Variants in MAD2L2 observed in about 807,000 individuals in gnomAD.
The protein encoded by MAD2L2 is mitotic spindle assembly checkpoint protein MAD2B.
MAD2L2 carries 17 observed loss-of-function variants against 30.5 expected under a neutral mutation model. The ratio of observed to expected loss-of-function variants is 0.56; its 90% CI spans 0.38 to 0.84. MAD2L2 has a LOEUF of 0.84. MAD2L2 is among the 40% of genes least tolerant of loss of function. The pLI, the probability that MAD2L2 is intolerant of heterozygous loss-of-function variation, is 0.00. For synonymous variants in MAD2L2, 101 were observed against 113.9 expected, an observed-to-expected ratio of 0.89 and a Z score of 0.72; for missense variants, 213 against 277.4, an observed-to-expected ratio of 0.77 and a Z score of 1.65.
upstream of MAD2L2, among the ~76,000 whole-genome samples, chr1:11,682,652 T>G (rs1640897137): frequency 6.6e-6 from 1 of 152,044 alleles, no homozygotes; most frequent in Non-Finnish European, 1.5e-5. Flanking sequence ...CGAGGTGGGG[T>G]GCACAGCAGG....
chr1:11,677,945 T>C (rs1640799399), intron 3 of MAD2L2, among the ~76,000 whole-genome samples: 1 of 150,800 alleles, frequency 6.6e-6, no homozygotes. Flanking sequence ...TAGTCCCAGC[T>C]ACTTGGCAGG....
At chr1:11,691,060 T>C (rs936873174) in intron 1 of MAD2L2, among the ~76,000 whole-genome samples, 2 of 152,172 alleles carry the variant, frequency 1.3e-5, no homozygotes, top group African/African-American at 4.8e-5. Flanking sequence ...AGACCCTTTG[T>C]ACCCCTACAT....
At chr1:11,683,509 G>A (rs1177252466), upstream of MAD2L2, among the ~76,000 whole-genome samples, 1 of 151,912 alleles carries the variant, frequency 6.6e-6, no homozygotes, top group African/African-American at 2.4e-5. Flanking sequence ...GGACTTTGGG[G>A]ACTCGGGGGG....
intron 6 of MAD2L2, 112 bp from the exon 7 acceptor site, chr1:11,675,843 C>A (rs756697500): frequency 1.0e-6 from 1 of 995,022 alleles, no homozygotes; most frequent in South Asian, 1.3e-5. Context: ...GAGCAGATGG[C>A]AAAGCAAGTG....
In MAD2L2 at chr1:11,677,552, G is replaced by C. The variant is rs1193203913; in HGVS notation, c.222C>G (p.Leu74=). The C allele has an allele frequency of 6.2e-7, 1 of 1,613,924 alleles. No homozygotes were observed. Among genetic ancestry groups the C allele is most frequent in the Non-Finnish European group, 8.5e-7 (1 of 1,179,990 alleles). ...CCCAGTGCACCCTCACCTTCTCCAG[G>C]AGTGGCTTGACGCAGTGCAGCGTGT... is the stretch of plus-strand genomic sequence containing the variant. ...IQDTLHCVKP[L]LEKNDVEKVV... Residue 74 remains leucine, a synonymous_variant, in exon 4 of 9, where the codon CTC becomes CTG. Transcript: ENST00000376692.
At chr1:11,686,285 A>G (rs990176122) in intron 1 of MAD2L2, among the ~76,000 whole-genome samples, 20 of 152,292 alleles carry the variant, frequency 1.3e-4, no homozygotes, top group African/African-American at 3.9e-4. Flanking sequence ...TGACCTGGAC[A>G]GCTGTCCCAG....
At position 11,674,844 on chromosome 1, in the gene MAD2L2, T is replaced by C; in HGVS notation, c.595-28A>G. The C allele has an allele frequency of 6.2e-7, 1 of 1,613,098 alleles. No homozygotes were observed. Among genetic ancestry groups the C allele is most frequent in the Non-Finnish European group, 8.5e-7 (1 of 1,179,502 alleles). Reference sequence around the variant, plus strand: ...GACGGACACAAGCAAACAGCCACAGTCAGCAAGACAGCCAGGGCATCCCTG... The same window carrying C: ...GACGGACACAAGCAAACAGCCACAGCCAGCAAGACAGCCAGGGCATCCCTG... On this transcript the variant is annotated intron_variant, in intron 8 of 8. Coordinates refer to ENST00000376692, the MANE Select transcript of MAD2L2 (RefSeq NM_006341.4). The surrounding 1 kb of genome is among the most constrained non-coding windows in gnomAD (Gnocchi z 6.1).
At chr1:11,682,986 T>C (rs1356569467), upstream of MAD2L2, among the ~76,000 whole-genome samples, 1 of 152,184 alleles carries the variant, frequency 6.6e-6, no homozygotes, top group East Asian at 1.9e-4. Flanking sequence ...GACTGACTCA[T>C]TGCAGAACTT....
At chr1:11,679,533 C>CT (rs945082145) in intron 3 of MAD2L2, among the ~76,000 whole-genome samples, 2,041 of 149,350 alleles carry the variant, frequency 0.014, 48 homozygotes, top group African/African-American at 0.044. Flanking sequence ...CCCAGGGTAA[C>CT]TTTTTTTTTT....
upstream of MAD2L2, among the ~76,000 whole-genome samples, chr1:11,684,269 C>A (rs1640924644): frequency 6.6e-6 from 1 of 152,188 alleles, no homozygotes; most frequent in Non-Finnish European, 1.5e-5. Context: ...TTTTGCATAT[C>A]TTAATCGCAT....
upstream of MAD2L2, among the ~76,000 whole-genome samples, chr1:11,682,742 C>G (rs1448155915): frequency 1.3e-5 from 2 of 152,052 alleles, no homozygotes; most frequent in African/African-American, 2.4e-5. Flanking sequence ...TTGGACTGTT[C>G]CCAGAGAATA....
At position 11,688,683 on chromosome 1, in the gene MAD2L2, T is replaced by C. The variant is rs1021622986; in HGVS notation, c.-692+2730A>G. Among the ~76,000 whole-genome samples, 1 of 152,196 alleles carries C rather than the reference T, an allele frequency of 6.6e-6. No individual in the cohort carries two copies. Among genetic ancestry groups the C allele is most frequent in the Non-Finnish European group, 1.5e-5 (1 of 68,028 alleles). On this transcript the variant is annotated intron_variant, in intron 1 of 10. Coordinates refer to the MAD2L2 transcript ENST00000235310. This position sits in a 1 kb window ranked among gnomAD's most constrained non-coding sequence, Gnocchi z 4.6. Reference sequence around the variant, plus strand: ...TCCCTGTGGCCTTTGCAGGCTCACATTGTTAGAGGTGTCTGAACCAGAGCA... The same window carrying C: ...TCCCTGTGGCCTTTGCAGGCTCACACTGTTAGAGGTGTCTGAACCAGAGCA...
rs1207065771 is a variant in MAD2L2, at chr1:11,676,101, C to T, written c.372G>A (p.Arg124=). The T allele has an allele frequency of 6.2e-7, 1 of 1,611,240 alleles. No individual in the cohort carries two copies. The highest frequency in any genetic ancestry group is 8.5e-7 in the Non-Finnish European group (1 of 1,178,264). ...SLLSHVEQLL[R]AFILKISVCD... ...ACACGCTGATCTTCAGGATGAAGGC[C>T]CGGAGCAGCTGCTCCACATGAGACA... Residue 124 remains arginine (R), a synonymous_variant, in exon 6 of 9, where the codon CGG becomes CGA. Transcript: ENST00000376692.
chr1:11,676,482 C>T (rs1467496045), intron 5 of MAD2L2, among the ~76,000 whole-genome samples: 1 of 152,178 alleles, frequency 6.6e-6, no homozygotes, highest in Non-Finnish European at 1.5e-5. Context: ...TAAGGCCACA[C>T]AGGCCGTGGG....
intron 1 of MAD2L2, among the ~76,000 whole-genome samples, chr1:11,689,910 C>T (rs1158317643): frequency 2.0e-5 from 3 of 151,902 alleles, no homozygotes; most frequent in Non-Finnish European, 4.4e-5. Flanking sequence ...ACTGACTCTT[C>T]TCCACCAAAC....
chr1:11,680,320 G>A, intron 3 of MAD2L2, 33 bp downstream of exon 3: 2 of 1,570,520 alleles, frequency 1.3e-6, no homozygotes, highest in Middle Eastern at 1.7e-4. Flanking sequence ...AGTCCACCCT[G>A]TACCCACTCT....
In MAD2L2 at chr1:11,688,462, G is replaced by A. The variant is rs571494078; in HGVS notation, c.-692+2951C>T. On this transcript the variant is annotated intron_variant, in intron 1 of 10. Transcript: ENST00000235310. This position sits in a 1 kb window ranked among gnomAD's most constrained non-coding sequence, Gnocchi z 4.6. ...TGTAGTCACAGCTACTCAGGAAGCT[G>A]AGGCAGGCGAATCGCTTGAACTTGG... Among the ~76,000 whole-genome samples, 1 of 152,258 alleles carries A rather than the reference G, an allele frequency of 6.6e-6. No individual in the cohort carries two copies. The highest frequency in any genetic ancestry group is 2.1e-4 in the South Asian group (1 of 4,816).
chr1:11,681,352 C>G (rs1248517213), upstream of MAD2L2: 1 of 152,244 alleles, frequency 6.6e-6, no homozygotes, highest in African/African-American at 2.4e-5. Context: ...GCGAAGAAAA[C>G]ACAACGTTGA....
At chr1:11,691,600 G>C (rs973633999) in exon 1 of MAD2L2, 11 of 151,122 alleles carry the variant, frequency 7.3e-5, no homozygotes, top group Non-Finnish European at 1.5e-4. Context: ...CCGGCCCCGG[G>C]GCTGCCCCTC....
Sources: allele counts gnomAD v4.1 joint callset (sites outside exome capture counted in the v4.1 genomes callset), GRCh38; gene constraint gnomAD v4.1.1; non-coding constraint Gnocchi (gnomAD v3.1); transcripts MANE v1.5; gene names NCBI Gene and HGNC (gene_info 2026-07-23, HGNC 2026-07-21).